BTG4: variants seen among roughly 807,000 people sequenced by gnomAD.
BTG4 encodes protein BTG4.
In BTG4, 10 loss-of-function variants were observed where a neutral mutation model predicts 19.3. The observed-to-expected ratio is 0.52, with a 90% CI of 0.32 to 0.88. The LOEUF (loss-of-function observed/expected upper bound fraction) is 0.88. Ranked by LOEUF, BTG4 falls within the 40% of genes least tolerant of loss-of-function variation. The probability of loss-of-function intolerance (pLI) is 0.04; values close to 1 mark genes in which losing one functional copy is unlikely to be tolerated. For missense variants in BTG4, 238 were observed against 281.9 expected (o/e 0.84, Z 1.11); for synonymous variants, 91 against 95.7 (o/e 0.95, Z 0.29).
intron 1 of BTG4, among the ~76,000 whole-genome samples, chr11:111,501,333 T>C (rs561137279): frequency 1.1e-3 from 167 of 152,248 alleles, no homozygotes; most frequent in Non-Finnish European, 2.0e-3. Flanking sequence ...ATTGTGTCAC[T>C]GCACTCCAGC....
intron 5 of BTG4, among the ~76,000 whole-genome samples, chr11:111,479,782 G>A (rs1387309891): frequency 6.6e-6 from 1 of 151,978 alleles, no homozygotes; most frequent in African/African-American, 2.4e-5. Flanking sequence ...AAATAACACT[G>A]GTAGACTGTG....
the BTG4 span, among the ~76,000 whole-genome samples, chr11:111,410,165 A>T: frequency 6.7e-6 from 1 of 150,080 alleles, no homozygotes; most frequent in East Asian, 1.9e-4. Context: ...AAATGAGTCT[A>T]TGGGCCTTTC....
the BTG4 span, among the ~76,000 whole-genome samples, chr11:111,426,789 C>A: frequency 6.6e-6 from 1 of 152,242 alleles, no homozygotes; most frequent in Non-Finnish European, 1.5e-5. Context: ...GGCAGGCAGG[C>A]CCGGGCAGGT....
intron 5 of BTG4, among the ~76,000 whole-genome samples, chr11:111,474,229 A>G (rs1194479788): frequency 1.3e-5 from 2 of 152,164 alleles, no homozygotes; most frequent in African/African-American, 4.8e-5. Flanking sequence ...AAGTGAACAG[A>G]TAATAAATTT....
the BTG4 span, among the ~76,000 whole-genome samples, chr11:111,405,421 AAAAAAAAAAAAAAAG>A: frequency 1.3e-5 from 2 of 149,440 alleles, no homozygotes; most frequent in African/African-American, 5.0e-5. Context: ...AAAAAAAAAA[AAAAAAAAAAAAAAAG>A]ATGTCAGGAC....
chr11:111,469,489 G>T (rs1205531848), intron 5 of BTG4: 1 of 152,202 alleles, frequency 6.6e-6, no homozygotes, highest in Non-Finnish European at 1.5e-5. Context: ...TGCCTGGCCA[G>T]GAAGAGGATT....
At chr11:111,474,115 T>C (rs929295381) in intron 5 of BTG4, among the ~76,000 whole-genome samples, 12 of 152,110 alleles carry the variant, frequency 7.9e-5, no homozygotes, top group African/African-American at 2.9e-4. Context: ...CCTAGAGAAA[T>C]AACCAGGCAC....
chr11:111,471,685 C>A (rs191174550), intron 5 of BTG4, among the ~76,000 whole-genome samples: 77 of 152,260 alleles, frequency 5.1e-4, no homozygotes, highest in African/African-American at 1.8e-3. Flanking sequence ...AGCTTTAAAT[C>A]TCATCTATAT....
the BTG4 span, among the ~76,000 whole-genome samples, chr11:111,410,799 A>G: frequency 4.9e-4 from 75 of 152,338 alleles, no homozygotes; most frequent in African/African-American, 1.7e-3. Flanking sequence ...CTAAAACAAA[A>G]TCCACAATTT....
At chr11:111,512,414 C>T (rs923419929), upstream of BTG4, 2 of 152,248 alleles carry the variant, frequency 1.3e-5, no homozygotes, top group African/African-American at 4.8e-5. Context: ...CCCCACCCGC[C>T]CCGTCTCGCG....
intron 4 of BTG4, 125 bp downstream of exon 4, chr11:111,497,086 T>C: frequency 1.1e-6 from 1 of 949,856 alleles, no homozygotes; most frequent in Admixed American, 2.8e-5. Flanking sequence ...ATTAAGAGTC[T>C]GGCTTTTAAA....
the BTG4 span, among the ~76,000 whole-genome samples, chr11:111,398,533 A>C: frequency 0.015 from 2,273 of 152,006 alleles, 47 homozygotes; most frequent in African/African-American, 0.049. Flanking sequence ...GGCTCACTGC[A>C]TGCTCTGCCT....
chr11:111,416,262 T>C, the BTG4 span: 1 of 152,008 alleles, frequency 6.6e-6, no homozygotes, highest in Non-Finnish European at 1.5e-5. Flanking sequence ...ATCAGTTCCT[T>C]TTCTGTCCCC....
downstream of BTG4, among the ~76,000 whole-genome samples, chr11:111,492,348 T>G (rs1409319235): frequency 6.6e-6 from 1 of 152,250 alleles, no homozygotes; most frequent in African/African-American, 2.4e-5. Context: ...GTTGCATTTT[T>G]TATCTAGCAA....
the BTG4 span, chr11:111,417,744 A>G: frequency 6.6e-6 from 1 of 152,206 alleles, no homozygotes; most frequent in Admixed American, 6.5e-5. Context: ...TTCTCCAGAG[A>G]ACAGCCACTC....
At chr11:111,435,839 T>C in the BTG4 span, among the ~76,000 whole-genome samples, 1 of 152,144 alleles carries the variant, frequency 6.6e-6, no homozygotes, top group Non-Finnish European at 1.5e-5. Context: ...CAGCTCCCAC[T>C]TTCCTCACTG....
chr11:111,430,235 G>A, the BTG4 span, among the ~76,000 whole-genome samples: 1 of 152,178 alleles, frequency 6.6e-6, no homozygotes, highest in Non-Finnish European at 1.5e-5. Context: ...AGAGACATGA[G>A]ACATCAATTG....
intron 5 of BTG4, among the ~76,000 whole-genome samples, chr11:111,483,033 G>A (rs1045596430): frequency 1.1e-4 from 16 of 152,108 alleles, no homozygotes; most frequent in Non-Finnish European, 1.9e-4. Flanking sequence ...CCTCTAGCAA[G>A]CATCCCCCTA....
At chr11:111,512,686 G>A (rs1341509337), upstream of BTG4, among the ~76,000 whole-genome samples, 1 of 152,146 alleles carries the variant, frequency 6.6e-6, no homozygotes, top group African/African-American at 2.4e-5. Flanking sequence ...CACTCCTGGG[G>A]GTCATGGGGG....
Sources: gnomAD v4.1 joint callset for allele counts (sites outside exome capture counted in the v4.1 genomes callset) on GRCh38, gnomAD v4.1.1 for gene constraint, MANE v1.5 for transcripts, NCBI Gene and HGNC (gene_info 2026-07-23, HGNC 2026-07-21) for gene names.